The following UBE4A variants were observed in gnomAD, a reference collection of about 807,000 sequenced individuals.
The protein encoded by UBE4A is ubiquitination factor E4A, also known as ubiquitin conjugation factor E4 A.
In UBE4A, 48 loss-of-function variants were observed where a neutral mutation model predicts 117.9. The ratio of observed to expected loss-of-function variants is 0.41; its 90% CI spans 0.32 to 0.52. The LOEUF (loss-of-function observed/expected upper bound fraction) is 0.52, where lower values mean the gene tolerates loss of function less well. Ranked by LOEUF, UBE4A falls within the 20% of genes least tolerant of loss-of-function variation. The pLI is 0.33. For synonymous variants in UBE4A, 407 were observed against 450.0 expected, an observed-to-expected ratio of 0.90 and a Z score of 1.21; for missense variants, 1,067 against 1,296.3, an observed-to-expected ratio of 0.82 and a Z score of 2.72.
At chr11:118,363,606 C>CTTTT (rs199847839) in intron 1 of UBE4A, among the ~76,000 whole-genome samples, 63 of 122,856 alleles carry the variant, frequency 5.1e-4, no homozygotes, top group African/African-American at 7.9e-4. Flanking sequence ...ACCACATTAG[C>CTTTT]TTTTTTTTTT....
At chr11:118,366,307 G>A (rs1948562500) in intron 2 of UBE4A, among the ~76,000 whole-genome samples, 1 of 152,122 alleles carries the variant, frequency 6.6e-6, no homozygotes, top group African/African-American at 2.4e-5. Context: ...GTGAAAAATA[G>A]GAAAAATAAG....
At position 118,390,647 on chromosome 11, in the gene UBE4A, A is replaced by G. The variant is rs1363080141; in HGVS notation, c.2769-10A>G. The G allele has an allele frequency of 6.7e-6, 10 of 1,493,408 alleles. No homozygotes were observed. The highest frequency in any genetic ancestry group is 8.9e-6 in the Non-Finnish European group (10 of 1,125,830). The allele number at this position is 1,493,408 out of a possible 1,614,324, so 92.5% of individuals were successfully genotyped here. On this transcript the variant is annotated splice_polypyrimidine_tract_variant and intron_variant, in intron 17 of 19. Coordinates refer to ENST00000252108, the MANE Select transcript of UBE4A (RefSeq NM_001204077.2). Reference sequence around the variant, plus strand: ...TGGTGATCAGTTTTTTTCTGATGCTAATGTTCCAGGGATGAGGAGAATTTC... The same window carrying G: ...TGGTGATCAGTTTTTTTCTGATGCTGATGTTCCAGGGATGAGGAGAATTTC...
In UBE4A at chr11:118,379,379, T is replaced by C; in HGVS notation, c.1572-67T>C. On this transcript the variant is annotated intron_variant, in intron 10 of 19. Coordinates refer to ENST00000252108, the MANE Select transcript of UBE4A (RefSeq NM_001204077.2). Reference sequence around the variant, plus strand: ...TTAAAGAGAAGGCTAGATAAATAATTGAGGATTTGTTTTTTTGTGACTTTC... The same window carrying C: ...TTAAAGAGAAGGCTAGATAAATAATCGAGGATTTGTTTTTTTGTGACTTTC... The C allele has an allele frequency of 2.7e-6, 4 of 1,486,854 alleles. No individual in the cohort carries two copies. In the South Asian group the frequency reaches 3.7e-5, roughly 14 times the overall value. 92.1% of individuals were successfully genotyped at this position (1,486,854 alleles called of 1,614,324 possible). A position where few individuals can be genotyped will look rare whatever the true frequency, so the allele number is the denominator to read the frequency against.
chr11:118,391,530 C>T (rs1331765666), intron 18 of UBE4A, among the ~76,000 whole-genome samples: 1 of 149,052 alleles, frequency 6.7e-6, no homozygotes, highest in Non-Finnish European at 1.5e-5. Flanking sequence ...CGCGGTGGCT[C>T]ACGCCTGTAA....
intron 1 of UBE4A, among the ~76,000 whole-genome samples, chr11:118,360,554 GTATTATTTGCCA>G (rs2134081964): frequency 6.6e-6 from 1 of 152,196 alleles, no homozygotes; most frequent in Non-Finnish European, 1.5e-5. Context: ...ATTGATATAT[GTATTATTTGCCA>G]GGACACAGAC....
Position 118,382,753 on chromosome 11 carries a change from T to A in UBE4A, c.2174T>A (p.Val725Asp), listed in dbSNP as rs782793238. Reference protein sequence around the residue: ...APQLAEALIKVFVDIEFTGDP... With the variant: ...APQLAEALIKDFVDIEFTGDP... ...CAACTTGCAGAGGCTCTAATCAAGG[T>A]TTTTGTGGACATCGAATTTACAGGT... The change falls in exon 13 of 20, where the codon GTT (valine) becomes GAT (aspartate). Residue 725 changes from valine (V) to aspartate (D), a missense_variant. Physicochemically the swap from Val to Asp is radical, Grantham distance 152. Transcript: ENST00000252108. 6.3e-7 allele frequency: 1 copy of A among 1,591,042 alleles called. No individual in the cohort carries two copies. Among genetic ancestry groups the A allele is most frequent in the South Asian group, 1.1e-5 (1 of 87,794 alleles).
At chr11:118,386,261 T>G (rs1217193665) in intron 15 of UBE4A, among the ~76,000 whole-genome samples, 177 bp from the exon 16 acceptor site, 3 of 152,230 alleles carry the variant, frequency 2.0e-5, no homozygotes, top group Non-Finnish European at 4.4e-5. Flanking sequence ...AATTTCTTTT[T>G]TTCCTGAAAG....
intron 1 of UBE4A, among the ~76,000 whole-genome samples, chr11:118,359,919 T>C (rs1948507431): frequency 1.3e-5 from 2 of 152,150 alleles, no homozygotes; most frequent in African/African-American, 4.8e-5. Flanking sequence ...AAGCCCCTCC[T>C]GGAAGAGGCC....
chr11:118,375,778 A>G (rs1352111183), intron 9 of UBE4A, among the ~76,000 whole-genome samples: 1 of 152,146 alleles, frequency 6.6e-6, no homozygotes, highest in Non-Finnish European at 1.5e-5. Flanking sequence ...ATTCATTCAT[A>G]GTTTATAAAA....
At chr11:118,392,926 C>CAT (rs781939718) in intron 19 of UBE4A, 31 bp downstream of exon 19, 91 of 1,597,646 alleles carry the variant, frequency 5.7e-5, no homozygotes, top group South Asian at 1.1e-4. Context: ...GACTCAAGAG[C>CAT]ATATATATAT....
At chr11:118,390,849 G>A (rs782150084) in intron 18 of UBE4A, 45 bp downstream of exon 18, 16 of 1,597,156 alleles carry the variant, frequency 1.0e-5, no homozygotes, top group Admixed American at 6.7e-5. Context: ...TAAGAACCAC[G>A]TTGTCAGCCA....
intron 3 of UBE4A, among the ~76,000 whole-genome samples, chr11:118,369,087 T>C (rs563321652): frequency 6.6e-6 from 1 of 152,208 alleles, no homozygotes. Context: ...CCCATTTTCT[T>C]CTCAGAGGTA....
chr11:118,393,406 C>T (rs781845959), intron 19 of UBE4A, among the ~76,000 whole-genome samples: 3 of 152,120 alleles, frequency 2.0e-5, no homozygotes, highest in Non-Finnish European at 4.4e-5. Flanking sequence ...TCAGGTGATC[C>T]TCCTACCTCA....
At chr11:118,366,229 C>T (rs1194089414) in intron 2 of UBE4A, among the ~76,000 whole-genome samples, 2 of 151,824 alleles carry the variant, frequency 1.3e-5, no homozygotes, top group African/African-American at 4.8e-5. Flanking sequence ...GAAATCTCTC[C>T]CAGATTTCTA....
rs868938706 is a variant in UBE4A, at chr11:118,379,486, C to A, written c.1612C>A (p.Arg538=). Residue 538 remains arginine, a synonymous_variant, in exon 11 of 20, where the codon CGG becomes AGG. Transcript: ENST00000252108. ...GGTAAAAATCAACCAAAATCTGCATCGGCTGCAGGTTGCCTGGCGGGATGC... is the reference window on the plus strand; with the variant it reads ...GGTAAAAATCAACCAAAATCTGCATAGGCTGCAGGTTGCCTGGCGGGATGC... The part of the protein sequence containing the change: ...QMVKINQNLH[R]LQVAWRDAQQ... 3 of 1,614,034 alleles carry A rather than the reference C, an allele frequency of 1.9e-6. No individual in the cohort carries two copies. The highest frequency in any genetic ancestry group is 2.5e-6 in the Non-Finnish European group (3 of 1,179,926).
chr11:118,393,242 C>T (rs1437928497), intron 19 of UBE4A, among the ~76,000 whole-genome samples: 1 of 151,942 alleles, frequency 6.6e-6, no homozygotes, highest in East Asian at 2.0e-4. Flanking sequence ...CATGGTAAAA[C>T]CCCGTCTCTA....
chr11:118,382,946 A>G (rs1372929187), intron 13 of UBE4A, among the ~76,000 whole-genome samples, 170 bp downstream of exon 13: 1 of 148,446 alleles, frequency 6.7e-6, no homozygotes. Context: ...ACATTATCCC[A>G]TTGTCACCAT....
Position 118,379,294 on chromosome 11 carries a change from C to T in UBE4A, c.1572-152C>T, listed in dbSNP as rs553440339. On this transcript the variant is annotated intron_variant, in intron 10 of 19. Transcript: ENST00000252108. Reference sequence around the variant, plus strand: ...CCATTGCTGTGCACCCTGCCTGTGTCCTGTCAAAAACTTTTGTGAGTGCCT... The same window carrying T: ...CCATTGCTGTGCACCCTGCCTGTGTTCTGTCAAAAACTTTTGTGAGTGCCT... 10 of 778,260 alleles carry T rather than the reference C, an allele frequency of 1.3e-5. 1 individual carries two copies. The African/African-American group carries it at 1.6e-4, about 12-fold the overall frequency. The allele number at this position is 778,260 out of a possible 1,614,324, so 48.2% of individuals were successfully genotyped here.
chr11:118,373,773 T>A, intron 8 of UBE4A, 88 bp downstream of exon 8: 1 of 1,413,918 alleles, frequency 7.1e-7, no homozygotes. Context: ...CTCAAGCCTC[T>A]CTGGGAAAGC....
Sources: gnomAD v4.1 joint callset for allele counts (sites outside exome capture counted in the v4.1 genomes callset) on GRCh38, gnomAD v4.1.1 for gene constraint, MANE v1.5 for transcripts, NCBI Gene and HGNC (gene_info 2026-07-23, HGNC 2026-07-21) for gene names.